CAMK1D: variants seen among roughly 807,000 people sequenced by gnomAD.
The protein encoded by CAMK1D is calcium/calmodulin dependent protein kinase ID, also known as calcium/calmodulin-dependent protein kinase type 1D.
A neutral mutation model predicts 47.7 loss-of-function variants in CAMK1D; 9 were observed. The observed-to-expected ratio is 0.19, with a 90% CI of 0.11 to 0.33. The LOEUF is 0.33. Among genes scored for constraint, CAMK1D ranks in the 10% least tolerant of loss-of-function variants. CAMK1D has a pLI of 1.00. For missense variants in CAMK1D, 291 were observed against 488.7 expected (o/e 0.60, Z 3.81); for synonymous variants, 184 against 184.9 (o/e 0.99, Z 0.04).
chr10:12,696,865 C>G (rs1042324016), intron 3 of CAMK1D, among the ~76,000 whole-genome samples: 3 of 152,180 alleles, frequency 2.0e-5, no homozygotes, highest in Non-Finnish European at 4.4e-5. Context: ...TAAATACACA[C>G]AGTTCATGCT....
At chr10:12,425,575 C>T (rs930982098) in intron 1 of CAMK1D, among the ~76,000 whole-genome samples, 4 of 152,080 alleles carry the variant, frequency 2.6e-5, no homozygotes, top group African/African-American at 9.7e-5. Context: ...AGCCACCGCC[C>T]TCAGCCAAGG....
chr10:12,745,698 G>A (rs1835641221), intron 3 of CAMK1D, among the ~76,000 whole-genome samples: 1 of 151,728 alleles, frequency 6.6e-6, no homozygotes, highest in Non-Finnish European at 1.5e-5. Context: ...CGCCTCCTGG[G>A]TTCAAACGAT....
At chr10:12,816,914 G>A (rs1277168526) in intron 8 of CAMK1D, among the ~76,000 whole-genome samples, 2 of 151,042 alleles carry the variant, frequency 1.3e-5, no homozygotes, top group African/African-American at 2.4e-5. Context: ...CCGAGACTGG[G>A]CAATTTACAA....
intron 6 of CAMK1D, among the ~76,000 whole-genome samples, chr10:12,811,261 A>G (rs1200719935): frequency 6.6e-6 from 1 of 152,208 alleles, no homozygotes; most frequent in Non-Finnish European, 1.5e-5. Flanking sequence ...TTCGTTAACA[A>G]CCCTGGGATT....
chr10:12,602,786 C>T (rs981129855), intron 2 of CAMK1D, among the ~76,000 whole-genome samples: 8 of 152,126 alleles, frequency 5.3e-5, no homozygotes, highest in Non-Finnish European at 1.0e-4. Context: ...CTACACACTC[C>T]GCCTCTGTCT....
chr10:12,734,419 CAT>C (rs1491561760), intron 3 of CAMK1D, among the ~76,000 whole-genome samples: 854 of 11,362 alleles, frequency 0.075, 63 homozygotes, highest in South Asian at 0.13. Flanking sequence ...CACACACACA[CAT>C]GTATATATAT....
chr10:12,609,091 C>G (rs1588685789), intron 2 of CAMK1D, among the ~76,000 whole-genome samples: 1 of 152,204 alleles, frequency 6.6e-6, no homozygotes, highest in Non-Finnish European at 1.5e-5. Flanking sequence ...TGCATAGACA[C>G]TCAACTGTGA....
chr10:12,584,420 A>G (rs1187535150), intron 2 of CAMK1D, among the ~76,000 whole-genome samples: 1 of 152,180 alleles, frequency 6.6e-6, no homozygotes, highest in African/African-American at 2.4e-5. Context: ...CTACTTGTTG[A>G]CTACACATAT....
chr10:12,745,607 CTT>C (rs62682462), intron 3 of CAMK1D, among the ~76,000 whole-genome samples: 2 of 144,854 alleles, frequency 1.4e-5, no homozygotes, highest in Non-Finnish European at 1.5e-5. Flanking sequence ...TTCTTTTTTT[CTT>C]TTTTTTTTTT....
rs904923894 is a variant in CAMK1D, at chr10:12,831,475, A to G, written c.*2588A>G. 1 of 152,252 alleles carries G rather than the reference A, an allele frequency of 6.6e-6. No homozygotes were observed. Among genetic ancestry groups the G allele is most frequent in the African/African-American group, 2.4e-5 (1 of 41,472 alleles). 9.4% of individuals were successfully genotyped at this position (152,252 alleles called of 1,614,324 possible). ...AAAGCAGCATTTGAAGCTGAGTTCC[A>G]TTACTGGTGATTGAAGTATTTTCAG... On this transcript the variant is annotated 3_prime_UTR_variant, in exon 11 of 11. Transcript: ENST00000619168.
intron 2 of CAMK1D, among the ~76,000 whole-genome samples, chr10:12,628,554 G>A (rs765381484): frequency 8.5e-5 from 13 of 152,110 alleles, no homozygotes; most frequent in Admixed American, 5.9e-4. Flanking sequence ...TGGTACATTT[G>A]TTATAATTGA....
chr10:12,621,007 G>C (rs1210787204), intron 2 of CAMK1D, among the ~76,000 whole-genome samples: 1 of 152,172 alleles, frequency 6.6e-6, no homozygotes, highest in African/African-American at 2.4e-5. Context: ...AGGTTTGCCT[G>C]TTGCCCCAGT....
At chr10:12,454,764 A>G (rs923975805) in intron 1 of CAMK1D, among the ~76,000 whole-genome samples, 5 of 152,198 alleles carry the variant, frequency 3.3e-5, no homozygotes, top group South Asian at 2.1e-4. Context: ...TGCCTGCGCT[A>G]TGTTGCCACT....
chr10:12,687,731 A>C (rs776077720), intron 3 of CAMK1D, among the ~76,000 whole-genome samples: 1 of 152,216 alleles, frequency 6.6e-6, no homozygotes, highest in Non-Finnish European at 1.5e-5. Flanking sequence ...AGATCTCTCA[A>C]TTCCGGAGAC....
intron 1 of CAMK1D, among the ~76,000 whole-genome samples, chr10:12,431,835 C>T (rs1178105281): frequency 6.6e-6 from 1 of 152,246 alleles, no homozygotes; most frequent in African/African-American, 2.4e-5. Flanking sequence ...CTTCTCACAT[C>T]CGCAGAGGAT....
At chr10:12,423,796 G>A (rs540752786) in intron 1 of CAMK1D, among the ~76,000 whole-genome samples, 6 of 152,342 alleles carry the variant, frequency 3.9e-5, no homozygotes, top group African/African-American at 1.4e-4. Context: ...GACTAAGTTG[G>A]TTGTTCTGAG....
chr10:12,728,231 T>G (rs997959385), intron 3 of CAMK1D, among the ~76,000 whole-genome samples: 3 of 152,246 alleles, frequency 2.0e-5, no homozygotes, highest in African/African-American at 7.2e-5. Context: ...CAGCTTTGCA[T>G]TTTTGTTCGA....
intron 1 of CAMK1D, among the ~76,000 whole-genome samples, chr10:12,462,510 C>G (rs184903953): frequency 6.6e-6 from 1 of 151,352 alleles, no homozygotes; most frequent in Admixed American, 6.6e-5. Context: ...AGCATTGGAC[C>G]ATATTTGTGA....
chr10:12,801,391 T>TATCC (rs1554827701), intron 6 of CAMK1D, among the ~76,000 whole-genome samples: 27 of 145,320 alleles, frequency 1.9e-4, no homozygotes, highest in South Asian at 2.2e-4. Flanking sequence ...TCTATCTATC[T>TATCC]ATCCATCCAT....
Sources: gnomAD v4.1 joint callset for allele counts (sites outside exome capture counted in the v4.1 genomes callset) on GRCh38, gnomAD v4.1.1 for gene constraint, MANE v1.5 for transcripts, NCBI Gene and HGNC (gene_info 2026-07-23, HGNC 2026-07-21) for gene names.